CPS1: variants seen among roughly 807,000 people sequenced by gnomAD.
The protein encoded by CPS1 is carbamoyl-phosphate synthase [ammonia], mitochondrial.
Under a neutral mutation model 174.6 loss-of-function variants are expected in CPS1, and 109 were observed. That is an observed-to-expected ratio of 0.62 (90% CI 0.53 to 0.73). The LOEUF (loss-of-function observed/expected upper bound fraction) is 0.73, where lower values mean the gene tolerates loss of function less well. Ranked by LOEUF, CPS1 falls within the 30% of genes least tolerant of loss-of-function variation. The pLI, the probability that CPS1 is intolerant of heterozygous loss-of-function variation, is 0.00. For synonymous variants in CPS1, 637 were observed against 632.0 expected, an observed-to-expected ratio of 1.01 and a Z score of -0.12; for missense variants, 1,689 against 1,821.9, an observed-to-expected ratio of 0.93 and a Z score of 1.33.
At chr2:210,527,833 G>C (rs1455694536) in intron 1 of CPS1, among the ~76,000 whole-genome samples, 1 of 151,760 alleles carries the variant, frequency 6.6e-6, no homozygotes, top group Admixed American at 6.6e-5. Flanking sequence ...AATTTTTTGT[G>C]GGGGAGAGGC....
rs541278232 is a variant in CPS1, at chr2:210,491,672, C to T, written c.3+13906C>T. Among the ~76,000 whole-genome samples the T allele has an allele frequency of 3.9e-4, 60 of 152,208 alleles. 1 individual carries two copies. The highest frequency in any genetic ancestry group is 1.3e-3 in the African/African-American group (55 of 41,528). The stretch of plus-strand genomic sequence containing the variant: ...GTGGCAATGGGAAGTTACCATCTCA[C>T]CTCCACTGTTAAGGCACCAAGTTTC... On this transcript the variant is annotated intron_variant, in intron 1 of 38. Coordinates refer to the CPS1 transcript ENST00000430249.
intron 1 of CPS1, among the ~76,000 whole-genome samples, chr2:210,488,209 A>G (rs747223012): frequency 1.3e-5 from 2 of 151,544 alleles, no homozygotes; most frequent in South Asian, 2.1e-4. Context: ...AGGTTAGAAG[A>G]AAAAAAAAGA....
chr2:210,656,854 G>C (rs535278768), intron 30 of CPS1, among the ~76,000 whole-genome samples: 1 of 151,868 alleles, frequency 6.6e-6, no homozygotes, highest in Admixed American at 6.6e-5. Context: ...CGAGTACAGG[G>C]GTTCTCAAAC....
At chr2:210,616,059 C>T (rs1168342113) in intron 20 of CPS1, among the ~76,000 whole-genome samples, 1 of 151,972 alleles carries the variant, frequency 6.6e-6, no homozygotes, top group East Asian at 1.9e-4. Flanking sequence ...ATTTTCTTAC[C>T]AATTTGGCTT....
At chr2:210,562,288 A>G (rs780113405) in intron 1 of CPS1, among the ~76,000 whole-genome samples, 11 of 152,220 alleles carry the variant, frequency 7.2e-5, no homozygotes, top group Non-Finnish European at 1.0e-4. Context: ...GCTTATGTTT[A>G]ACCAAAGACC....
intron 6 of CPS1, among the ~76,000 whole-genome samples, chr2:210,583,987 C>T (rs1480723986): frequency 6.6e-6 from 1 of 152,082 alleles, no homozygotes; most frequent in African/African-American, 2.4e-5. Context: ...TAAAAGATCA[C>T]CTTACTTTCT....
intron 1 of CPS1, among the ~76,000 whole-genome samples, chr2:210,538,887 A>T (rs1016361858): frequency 6.6e-6 from 1 of 152,176 alleles, no homozygotes; most frequent in South Asian, 2.1e-4. Flanking sequence ...TCCTATGGGA[A>T]AAAATAATTT....
At position 210,510,935 on chromosome 2, in the gene CPS1, A is replaced by T. The variant is rs576861549; in HGVS notation, c.3+33169A>T. ...GGAACAATTTTACACTGTTGGTGGG[A>T]CTGTAAACTAGTTCAACAATTGTGG... is the stretch of plus-strand genomic sequence containing the variant. On this transcript the variant is annotated intron_variant, in intron 1 of 38. Coordinates refer to the CPS1 transcript ENST00000430249. 4.6e-5 allele frequency among the ~76,000 whole-genome samples: 7 copies of T among 152,304 alleles called. No individual in the cohort carries two copies. The East Asian group carries it at 9.6e-4, about 21-fold the overall frequency.
intron 1 of CPS1, among the ~76,000 whole-genome samples, chr2:210,565,983 A>G (rs530351962): frequency 2.6e-4 from 39 of 152,302 alleles, no homozygotes; most frequent in African/African-American, 9.1e-4. Flanking sequence ...ACTGTAATGC[A>G]GTTTTGATAA....
At chr2:210,556,531 A>G, upstream of CPS1, 4 of 1,460,796 alleles carry the variant, frequency 2.7e-6, no homozygotes, top group Non-Finnish European at 3.7e-6. Context: ...ACATTACCTC[A>G]GGAGGAGGGG....
rs780901179 is a variant in CPS1, at chr2:210,677,952, C to T, written c.4470C>T (p.His1490=). The T allele has an allele frequency of 2.5e-6, 4 of 1,614,060 alleles. No individual in the cohort carries two copies. The South Asian group carries it at 4.4e-5, about 18-fold the overall frequency. The stretch of plus-strand genomic sequence containing the variant: ...AGGTGGACTCCAAGAGTCTTTTCCA[C>T]TACAGGCAGTACAGTGCTGGAAAAG... ...SRKVDSKSLF[H]YRQYSAGKAA is the part of the protein sequence containing the mutation. Residue 1490 remains histidine, a synonymous_variant, in exon 38 of 38, where the codon CAC becomes CAT. Transcript: ENST00000233072.
At chr2:210,548,620 A>G (rs1013329192) in intron 1 of CPS1, among the ~76,000 whole-genome samples, 1 of 152,080 alleles carries the variant, frequency 6.6e-6, no homozygotes, top group Non-Finnish European at 1.5e-5. Flanking sequence ...TTCAAGGATT[A>G]GGGTTGGCTT....
At chr2:210,617,592 T>C (rs984985951) in intron 21 of CPS1, 3 of 152,054 alleles carry the variant, frequency 2.0e-5, no homozygotes, top group African/African-American at 7.2e-5. Context: ...TGCTTTTCTT[T>C]TTGAGAAAAA....
At chr2:210,563,166 T>G (rs1193533754) in intron 1 of CPS1, among the ~76,000 whole-genome samples, 2 of 152,182 alleles carry the variant, frequency 1.3e-5, no homozygotes, top group African/African-American at 4.8e-5. Flanking sequence ...GATGCCATAG[T>G]TGTGTTTAAC....
intron 21 of CPS1, among the ~76,000 whole-genome samples, chr2:210,635,887 C>G (rs918745425): frequency 1.1e-4 from 16 of 152,076 alleles, no homozygotes; most frequent in Non-Finnish European, 1.9e-4. Flanking sequence ...GCTGTAGCTG[C>G]AAAAATTTAA....
intron 21 of CPS1, among the ~76,000 whole-genome samples, chr2:210,633,318 A>T (rs1320824092): frequency 6.6e-6 from 1 of 152,096 alleles, no homozygotes; most frequent in Non-Finnish European, 1.5e-5. Context: ...TCACTTTTTA[A>T]TGCACAAGGC....
At chr2:210,641,958 TA>T (rs1700239815) in intron 24 of CPS1, among the ~76,000 whole-genome samples, 1 of 152,178 alleles carries the variant, frequency 6.6e-6, no homozygotes, top group Non-Finnish European at 1.5e-5. Flanking sequence ...TTGCCAAGTT[TA>T]AAAGGATATG....
At chr2:210,504,201 C>T (rs941603977) in intron 1 of CPS1, among the ~76,000 whole-genome samples, 1 of 152,036 alleles carries the variant, frequency 6.6e-6, no homozygotes. Flanking sequence ...TGGTGTGTGT[C>T]CACCCGTGAA....
intron 28 of CPS1, 82 bp downstream of exon 28, chr2:210,650,520 A>T: frequency 9.8e-7 from 1 of 1,016,624 alleles, no homozygotes; most frequent in Non-Finnish European, 1.6e-6. Flanking sequence ...ATGTAGTGAC[A>T]TTTATCTCTT....
Sources: gnomAD v4.1 joint callset for allele counts (sites outside exome capture counted in the v4.1 genomes callset) on GRCh38, gnomAD v4.1.1 for gene constraint, MANE v1.5 for transcripts, NCBI Gene and HGNC (gene_info 2026-07-23, HGNC 2026-07-21) for gene names.